The following PTPN14 variants were observed in gnomAD, a reference collection of about 807,000 sequenced individuals.
PTPN14 encodes the protein tyrosine-protein phosphatase non-receptor type 14.
PTPN14 carries 53 observed loss-of-function variants against 126.8 expected under a neutral mutation model. The ratio of observed to expected loss-of-function variants is 0.42; its 90% CI spans 0.34 to 0.53. The LOEUF (loss-of-function observed/expected upper bound fraction) is 0.53. PTPN14 is among the 20% of genes least tolerant of loss of function. PTPN14 has a pLI of 0.08. For synonymous variants in PTPN14, 630 were observed against 599.3 expected, an observed-to-expected ratio of 1.05 and a Z score of -0.75; for missense variants, 1,257 against 1,552.9, an observed-to-expected ratio of 0.81 and a Z score of 3.20.
At chr1:214,423,377 G>A (rs1341423018) in intron 3 of PTPN14, among the ~76,000 whole-genome samples, 1 of 152,130 alleles carries the variant, frequency 6.6e-6, no homozygotes, top group Non-Finnish European at 1.5e-5. Flanking sequence ...CCCAGCCCAT[G>A]TTAAGTCATA....
chr1:214,460,474 C>T (rs1660484489), intron 2 of PTPN14, among the ~76,000 whole-genome samples: 1 of 150,394 alleles, frequency 6.6e-6, no homozygotes, highest in South Asian at 2.1e-4. Flanking sequence ...TTCCCCTCCA[C>T]ACACACACAG....
At chr1:214,368,592 T>G (rs969450630) in intron 17 of PTPN14, among the ~76,000 whole-genome samples, 1 of 152,120 alleles carries the variant, frequency 6.6e-6, no homozygotes, top group Non-Finnish European at 1.5e-5. Context: ...AAGTACACAG[T>G]TCAGTGGCAT....
intron 12 of PTPN14, among the ~76,000 whole-genome samples, chr1:214,385,745 T>C (rs1658593865): frequency 6.6e-6 from 1 of 152,180 alleles, no homozygotes; most frequent in Non-Finnish European, 1.5e-5. Flanking sequence ...CATTCAACTG[T>C]CTGAAGAGGA....
intron 1 of PTPN14, among the ~76,000 whole-genome samples, chr1:214,494,110 G>A (rs904045574): frequency 1.3e-5 from 2 of 151,256 alleles, no homozygotes; most frequent in South Asian, 2.1e-4. Flanking sequence ...TCGCACTGTC[G>A]CCCAGGCTGG....
rs533121607 is a variant in PTPN14 at position 214,384,372 on chromosome 1, G to A, written c.1483C>T (p.Pro495Ser). 1 of 1,614,144 alleles carries A rather than the reference G, an allele frequency of 6.2e-7. No individual in the cohort carries two copies. Among genetic ancestry groups the A allele is most frequent in the Non-Finnish European group, 8.5e-7 (1 of 1,180,038 alleles). ...TGTGGCCCATAAGGGACAGTGTAGGGGTGCCTCTCCCGCATCTCCGGTTGG... is the reference window on the plus strand; with the variant it reads ...TGTGGCCCATAAGGGACAGTGTAGGAGTGCCTCTCCCGCATCTCCGGTTGG... ...YSQPEMRERH[P>S]YTVPYGPQGV... Residue 495 changes from proline to serine, a missense_variant, in exon 13 of 19, where the codon CCC becomes TCC. Physicochemically the swap from Pro to Ser is moderately conservative, Grantham distance 74. Coordinates refer to ENST00000366956, the MANE Select transcript of PTPN14 (RefSeq NM_005401.5). The surrounding 1 kb of genome is among the most constrained non-coding windows in gnomAD (Gnocchi z 5.3).
Position 214,383,267 on chromosome 1 carries a change from G to T in PTPN14, c.2544+44C>A. Reference sequence around the variant, plus strand: ...GCCCCTTGCTCAGTGCCTGAAGCATGTGCTTTCACACTGGAAAATGCCCTG... The same window carrying T: ...GCCCCTTGCTCAGTGCCTGAAGCATTTGCTTTCACACTGGAAAATGCCCTG... On this transcript the variant is annotated intron_variant, in intron 13 of 18. Coordinates refer to ENST00000366956, the MANE Select transcript of PTPN14 (RefSeq NM_005401.5). This position sits in a 1 kb window ranked among gnomAD's most constrained non-coding sequence, Gnocchi z 4.4. 6.3e-7 allele frequency: 1 copy of T among 1,579,430 alleles called. No homozygotes were observed. The highest frequency in any genetic ancestry group is 8.6e-7 in the Non-Finnish European group (1 of 1,158,068).
intron 15 of PTPN14, among the ~76,000 whole-genome samples, chr1:214,373,558 AACACAC>A (rs10562157): frequency 0.21 from 28,590 of 138,160 alleles, 3,192 homozygotes; most frequent in Non-Finnish European, 0.26. Context: ...ATTTCATTGA[AACACAC>A]ACACACACAC....
In PTPN14 at chr1:214,351,166, A is replaced by G. The variant is rs7413877; in HGVS notation, c.*6756T>C. 123,554 of 151,610 alleles carry G rather than the reference A, an allele frequency of 0.81. 51,058 individuals are homozygous for G. The highest frequency in any genetic ancestry group is 0.96 in the African/African-American group (39,678 of 41,398). 9.4% of individuals were successfully genotyped at this position (151,610 alleles called of 1,614,324 possible). The stretch of plus-strand genomic sequence containing the variant: ...TTGAGACCAGTCTGGCCAACATGGC[A>G]AAACCCCGTCTCTACTAAAAATATA... On this transcript the variant is annotated 3_prime_UTR_variant, in exon 19 of 19. Coordinates refer to ENST00000366956, the MANE Select transcript of PTPN14 (RefSeq NM_005401.5).
At chr1:214,524,241 A>C (rs1036729145) in intron 1 of PTPN14, among the ~76,000 whole-genome samples, 2 of 152,280 alleles carry the variant, frequency 1.3e-5, no homozygotes, top group South Asian at 4.1e-4. Context: ...CGTTCTATAG[A>C]ACGATTTTCT....
chr1:214,422,741 T>C (rs565978925), intron 3 of PTPN14, among the ~76,000 whole-genome samples: 1 of 152,034 alleles, frequency 6.6e-6, no homozygotes, highest in Non-Finnish European at 1.5e-5. Context: ...ATAAAATACA[T>C]AAAAATCAAC....
At chr1:214,386,176 C>A (rs1191528988) in intron 12 of PTPN14, among the ~76,000 whole-genome samples, 1 of 151,944 alleles carries the variant, frequency 6.6e-6, no homozygotes, top group Non-Finnish European at 1.5e-5. Flanking sequence ...AATAATAGTA[C>A]CTATAGGTTT....
Position 214,451,978 on chromosome 1 carries a change from G to A in PTPN14, c.175-4C>T, listed in dbSNP as rs200871146. ...ACCAAAGGCCAAAGTAGTGCGTCTA[G>A]ATAAAAGGGTAAAATAGCATCAGTT... On this transcript the variant is annotated splice_polypyrimidine_tract_variant and splice_region_variant and intron_variant, in intron 2 of 18. Transcript: ENST00000366956. 436 of 1,612,428 alleles carry A rather than the reference G, an allele frequency of 2.7e-4. 1 individual carries two copies. The highest frequency in any genetic ancestry group is 2.8e-4 in the Non-Finnish European group (336 of 1,179,204).
At chr1:214,428,967 C>T (rs1453978497) in intron 3 of PTPN14, among the ~76,000 whole-genome samples, 1 of 152,158 alleles carries the variant, frequency 6.6e-6, no homozygotes, top group Non-Finnish European at 1.5e-5. Context: ...GCATTTCTGC[C>T]ATCTGAAGTT....
At chr1:214,541,173 G>C (rs1008441128) in intron 1 of PTPN14, among the ~76,000 whole-genome samples, 3 of 151,926 alleles carry the variant, frequency 2.0e-5, no homozygotes, top group African/African-American at 7.3e-5. Context: ...GGGAACATCA[G>C]ATAAAACCTC....
Position 214,451,846 on chromosome 1 carries a change from G to A in PTPN14, c.303C>T (p.Phe101=). The A allele has an allele frequency of 6.2e-7, 1 of 1,614,182 alleles. No individual in the cohort carries two copies. Among genetic ancestry groups the A allele is most frequent in the Non-Finnish European group, 8.5e-7 (1 of 1,180,040 alleles). Residue 101 remains phenylalanine (F), a synonymous_variant, in exon 3 of 19, where the codon TTC becomes TTT. Transcript: ENST00000366956. ...NEPLLFFGVM[F]YVPNVSWLQQ... is the part of the protein sequence containing the mutation. ...GAAGCCATGACACATTTGGCACATA[G>A]AACATGACTCCAAAGAAAAGCAAAG... is the stretch of plus-strand genomic sequence containing the variant.
rs58699544 is a variant in PTPN14 at position 214,499,380 on chromosome 1, C to CAT, written c.-154-34425_-154-34424dup. 1.1e-3 allele frequency among the ~76,000 whole-genome samples: 163 copies of CAT among 149,800 alleles called. 1 individual carries two copies. Among genetic ancestry groups the CAT allele is most frequent in the South Asian group, 6.5e-3 (31 of 4,754 alleles). The stretch of plus-strand genomic sequence containing the variant: ...TGAGTGTGTGGAAAAAGAGGGTAGG[C>CAT]ATATATATATATATATGCTGGTATA... On this transcript the variant is annotated intron_variant, in intron 1 of 18. Coordinates refer to ENST00000366956, the MANE Select transcript of PTPN14 (RefSeq NM_005401.5).
chr1:214,390,210 A>G (rs1658716819), intron 11 of PTPN14, among the ~76,000 whole-genome samples: 2 of 152,262 alleles, frequency 1.3e-5, no homozygotes, highest in Admixed American at 6.5e-5. Flanking sequence ...ATGACCTAAA[A>G]TAAAAGAATT....
chr1:214,486,954 C>T (rs1661126843), intron 1 of PTPN14, among the ~76,000 whole-genome samples: 1 of 152,094 alleles, frequency 6.6e-6, no homozygotes, highest in East Asian at 1.9e-4. Context: ...CAGCTATTCA[C>T]ATTAATTTAT....
intron 1 of PTPN14, among the ~76,000 whole-genome samples, chr1:214,545,882 ACCAGATAAAC>A (rs1655955983): frequency 6.6e-6 from 1 of 152,124 alleles, no homozygotes; most frequent in Non-Finnish European, 1.5e-5. Context: ...GGATCTAAGC[ACCAGATAAAC>A]CCAACTGTTT....
Sources: allele counts gnomAD v4.1 joint callset (sites outside exome capture counted in the v4.1 genomes callset), GRCh38; gene constraint gnomAD v4.1.1; non-coding constraint Gnocchi (gnomAD v3.1); transcripts MANE v1.5; gene names NCBI Gene and HGNC (gene_info 2026-07-23, HGNC 2026-07-21).